The following HPS3 variants were observed in gnomAD, a reference collection of about 807,000 sequenced individuals.
HPS3 encodes the protein HPS3 biogenesis of lysosomal organelles complex 2 subunit 1, also known as BLOC-2 complex member HPS3.
A neutral mutation model predicts 110.9 loss-of-function variants in HPS3; 79 were observed. The ratio of observed to expected loss-of-function variants is 0.71; its 90% CI spans 0.59 to 0.86. The LOEUF is 0.86. Ranked by LOEUF, HPS3 falls within the 40% of genes least tolerant of loss-of-function variation. The probability of loss-of-function intolerance (pLI) is 0.00; values close to 1 mark genes in which losing one functional copy is unlikely to be tolerated. For synonymous variants in HPS3, 428 were observed against 451.0 expected (o/e 0.95, Z 0.65); for missense variants, 1,197 against 1,206.2 (o/e 0.99, Z 0.11).
intron 1 of HPS3, among the ~76,000 whole-genome samples, chr3:149,138,899 G>T (rs1722275900): frequency 6.6e-6 from 1 of 152,208 alleles, no homozygotes; most frequent in African/African-American, 2.4e-5. Context: ...TGGGGAAACA[G>T]GTGTGTTTAA....
At chr3:149,158,875 A>T (rs1723620421) in intron 10 of HPS3, 29 bp downstream of exon 10, 2 of 1,442,020 alleles carry the variant, frequency 1.4e-6, no homozygotes, top group South Asian at 2.3e-5. Flanking sequence ...TTTCTATCTA[A>T]TATTTTTAAC....
chr3:149,131,221 A>G (rs1240668867), intron 1 of HPS3, among the ~76,000 whole-genome samples: 2 of 152,096 alleles, frequency 1.3e-5, no homozygotes, highest in Non-Finnish European at 2.9e-5. Context: ...GTTACCATAC[A>G]TAGTATCTGA....
intron 7 of HPS3, chr3:149,153,976 A>C (rs916886913): frequency 6.8e-6 from 2 of 295,606 alleles, no homozygotes; most frequent in African/African-American, 4.4e-5. Flanking sequence ...AGGACTTTTT[A>C]CTGTCTTTCT....
chr3:149,169,377 C>T (rs1367572223), intron 16 of HPS3, among the ~76,000 whole-genome samples: 2 of 152,074 alleles, frequency 1.3e-5, no homozygotes, highest in Non-Finnish European at 2.9e-5. Flanking sequence ...TTTCTAATGT[C>T]GTGAGACTAA....
At chr3:149,132,266 A>C (rs1576656768) in intron 1 of HPS3, among the ~76,000 whole-genome samples, 1 of 152,364 alleles carries the variant, frequency 6.6e-6, no homozygotes, top group Admixed American at 6.5e-5. Flanking sequence ...TTTCTTGGCT[A>C]GAGAGGAGAA....
At chr3:149,166,092 ACCATCT>A (rs962524020) in intron 14 of HPS3, 4 of 449,130 alleles carry the variant, frequency 8.9e-6, no homozygotes, top group African/African-American at 8.0e-5. Context: ...TTAGGACATG[ACCATCT>A]CATCTTTATC....
chr3:149,154,878 T>G (rs1723342898), intron 7 of HPS3, among the ~76,000 whole-genome samples: 1 of 152,234 alleles, frequency 6.6e-6, no homozygotes, highest in African/African-American at 2.4e-5. Flanking sequence ...CAGAGTGAAT[T>G]GGAAGCAGTT....
Position 149,172,195 on chromosome 3 carries a change from T to C in HPS3, c.2988T>C (p.Tyr996=), listed in dbSNP as rs1442783120. The change falls in exon 17 of 17, where the codon TAT becomes TAC. Residue 996 remains tyrosine, a synonymous_variant. Coordinates refer to ENST00000296051, the MANE Select transcript of HPS3 (RefSeq NM_032383.5). ...TATFFLPYLL[Y]CSRKKPLT is the part of the protein sequence containing the mutation. ...CATTTTTCTTGCCATATCTTCTCTA[T>C]TGCAGTCGAAAGAAACCATTGACTT... 2 of 1,613,702 alleles carry C rather than the reference T, an allele frequency of 1.2e-6. No individual in the cohort carries two copies. The highest frequency in any genetic ancestry group is 1.7e-6 in the Non-Finnish European group (2 of 1,179,720).
At chr3:149,135,995 G>A (rs767396608) in intron 1 of HPS3, among the ~76,000 whole-genome samples, 6 of 152,036 alleles carry the variant, frequency 3.9e-5, no homozygotes, top group Non-Finnish European at 8.8e-5. Flanking sequence ...TGGTATTACT[G>A]TTAGCCATGT....
intron 6 of HPS3, 123 bp downstream of exon 6, chr3:149,150,803 TTG>T: frequency 5.1e-6 from 4 of 785,014 alleles, no homozygotes; most frequent in Non-Finnish European, 6.8e-6. Context: ...GTCTAATGTA[TTG>T]AATTAGAACT....
Position 149,153,544 on chromosome 3 carries a change from C to G in HPS3, c.1296C>G (p.Phe432Leu), listed in dbSNP as rs1255784382. The G allele has an allele frequency of 1.2e-6, 2 of 1,613,802 alleles. No homozygotes were observed. ...MDVCALRIQL[F>L]IGLKAICHFK... ...TCTGTGCTTTAAGAATACAGCTTTT[C>G]ATAGGCTTGAAAGCCATCTGTCACT... The change falls in exon 7 of 17, where the codon TTC becomes TTG. Residue 432 changes from phenylalanine to leucine, a missense_variant. Coordinates refer to ENST00000296051, the MANE Select transcript of HPS3 (RefSeq NM_032383.5).
At chr3:149,133,896 T>C (rs565722823) in intron 1 of HPS3, among the ~76,000 whole-genome samples, 2 of 152,228 alleles carry the variant, frequency 1.3e-5, no homozygotes, top group African/African-American at 4.8e-5. Context: ...AACCAAAAAA[T>C]TTATGTGACT....
chr3:149,137,500 G>T (rs1722184404), intron 1 of HPS3, among the ~76,000 whole-genome samples: 1 of 152,168 alleles, frequency 6.6e-6, no homozygotes, highest in Non-Finnish European at 1.5e-5. Context: ...TGAAAGCAGG[G>T]ACTTGAATGG....
In HPS3 at chr3:149,167,127, G is replaced by A. The variant is rs1443164383; in HGVS notation, c.2683G>A (p.Val895Ile). ...CACTATTGCCGGCCTCAGTGTCCATGTTCTGTGTCGTACACGCTTGAAAGA... is the reference window on the plus strand; with the variant it reads ...CACTATTGCCGGCCTCAGTGTCCATATTCTGTGTCGTACACGCTTGAAAGA... ...EDTIAGLSVH[V>I]LCRTRLKEYE... Residue 895 changes from valine (V) to isoleucine (I), a missense_variant, in exon 15 of 17, where the codon GTT becomes ATT. Val to Ile is a conservative substitution (Grantham distance 29). Transcript: ENST00000296051. 1.1e-5 allele frequency: 17 copies of A among 1,613,828 alleles called. No individual in the cohort carries two copies. Among genetic ancestry groups the A allele is most frequent in the Admixed American group, 1.7e-5 (1 of 60,020 alleles).
intron 6 of HPS3, among the ~76,000 whole-genome samples, chr3:149,152,904 TTTA>T (rs1428718770): frequency 3.9e-5 from 6 of 152,196 alleles, no homozygotes; most frequent in African/African-American, 1.4e-4. Flanking sequence ...GCTCCTCTAG[TTTA>T]CCTGACATGT....
chr3:149,137,380 T>C (rs1429655786), intron 1 of HPS3, among the ~76,000 whole-genome samples: 2 of 152,148 alleles, frequency 1.3e-5, no homozygotes, highest in Admixed American at 6.6e-5. Flanking sequence ...GGTAGGAATG[T>C]AAAATAACAC....
In HPS3 at chr3:149,150,636, G is replaced by A; in HGVS notation, c.1201G>A (p.Ala401Thr). ...GTGTTTCACTGTGCGGTGCAGTGCG[G>A]CGGCAGCTCGTGAGGAGGACCCGTA... ...LQCFTVRCSA[A>T]AAREEDPYMD... The change falls in exon 6 of 17, where the codon GCG becomes ACG. Residue 401 changes from alanine (A) to threonine (T), a missense_variant. By Grantham distance (58) the Ala-to-Thr change is moderately conservative. Transcript: ENST00000296051. 1.2e-6 allele frequency: 2 copies of A among 1,614,110 alleles called. No homozygotes were observed. The highest frequency in any genetic ancestry group is 1.7e-6 in the Non-Finnish European group (2 of 1,179,990).
rs1559902457 is a variant in HPS3 at position 149,129,934 on chromosome 3, G to C, written c.211G>C (p.Glu71Gln). The change falls in exon 1 of 17, where the codon GAG (glutamate) becomes CAG (glutamine). Residue 71 changes from glutamate to glutamine, a missense_variant. By Grantham distance (29) the Glu-to-Gln change is conservative. Coordinates refer to ENST00000296051, the MANE Select transcript of HPS3 (RefSeq NM_032383.5). ...LGRVLRLAYS[E>Q]AGDYLVAIEE... ...CCGGGTGTTGCGCCTGGCCTACAGC[G>C]AGGCTGGTGAGTAATCTAGAGAGCC... 3 of 1,543,994 alleles carry C rather than the reference G, an allele frequency of 1.9e-6. No individual in the cohort carries two copies. The highest frequency in any genetic ancestry group is 1.9e-5 in the Admixed American group (1 of 51,648).
intron 1 of HPS3, chr3:149,130,278 A>T: frequency 2.6e-6 from 1 of 385,420 alleles, no homozygotes; most frequent in Non-Finnish European, 4.7e-6. Flanking sequence ...TCAGATTTCA[A>T]AGACTTACCA....
Sources: allele counts gnomAD v4.1 joint callset (sites outside exome capture counted in the v4.1 genomes callset), GRCh38; gene constraint gnomAD v4.1.1; transcripts MANE v1.5; gene names NCBI Gene and HGNC (gene_info 2026-07-23, HGNC 2026-07-21).